The following DENND4C variants were observed in gnomAD, a reference collection of about 807,000 sequenced individuals.
DENND4C encodes DENN domain containing 4C.
In DENND4C, 108 loss-of-function variants were observed where a neutral mutation model predicts 203.0. That is an observed-to-expected ratio of 0.53 (90% confidence interval 0.46 to 0.62). The LOEUF (loss-of-function observed/expected upper bound fraction) is 0.62, where lower values mean the gene tolerates loss of function less well. Among genes scored for constraint, DENND4C ranks in the 20% least tolerant of loss-of-function variants. DENND4C has a pLI of 0.00. For missense variants in DENND4C, 2,481 were observed against 2,301.2 expected (o/e 1.08, Z -1.60); for synonymous variants, 871 against 792.4 (o/e 1.10, Z -1.67).
At chr9:19,361,669 C>A (rs2132225354) in intron 29 of DENND4C, among the ~76,000 whole-genome samples, 177 bp from the exon 30 acceptor site, 1 of 152,192 alleles carries the variant, frequency 6.6e-6, no homozygotes, top group South Asian at 2.1e-4. Context: ...GAAACCTTGA[C>A]CTCAGAAAAT....
chr9:19,262,842 T>A (rs1829706003), intron 1 of DENND4C, among the ~76,000 whole-genome samples: 1 of 152,218 alleles, frequency 6.6e-6, no homozygotes, highest in African/African-American at 2.4e-5. Flanking sequence ...GTGCTGGGAT[T>A]ACAGGTGTGA....
intron 1 of DENND4C, among the ~76,000 whole-genome samples, chr9:19,258,660 A>AGTTTTTTTTTT (rs1554712091): frequency 0.029 from 4,375 of 151,680 alleles, 204 homozygotes; most frequent in African/African-American, 0.098. Context: ...TTAAATTTTA[A>AGTTTTTTTTTT]GTTTTTTTTT....
At chr9:19,295,094 G>A (rs780315174) in intron 5 of DENND4C, among the ~76,000 whole-genome samples, 32 of 152,172 alleles carry the variant, frequency 2.1e-4, no homozygotes, top group Non-Finnish European at 3.7e-4. Context: ...ATCACAGGCC[G>A]GGTGCAGTGG....
intron 3 of DENND4C, 28 bp from the exon 4 acceptor site, chr9:19,288,568 T>C (rs2131128758): frequency 8.2e-7 from 1 of 1,220,280 alleles, no homozygotes; most frequent in African/African-American, 1.6e-5. Flanking sequence ...CTTTTGTCTT[T>C]TTTATAAACC....
intron 4 of DENND4C, among the ~76,000 whole-genome samples, chr9:19,288,996 A>G (rs1588849817): frequency 2.0e-5 from 3 of 152,200 alleles, no homozygotes; most frequent in Non-Finnish European, 4.4e-5. Context: ...TATTTTGGCA[A>G]TCAGAAAGGT....
intron 13 of DENND4C, 148 bp from the exon 14 acceptor site, chr9:19,325,791 G>C: frequency 4.3e-6 from 3 of 700,338 alleles, no homozygotes; most frequent in Non-Finnish European, 4.8e-6. Context: ...CTAAGAGTAT[G>C]TATTCAGCCT....
At chr9:19,324,232 TC>T (rs1284484070) in intron 12 of DENND4C, 129 bp from the exon 13 acceptor site, 1 of 565,162 alleles carries the variant, frequency 1.8e-6, no homozygotes, top group Non-Finnish European at 2.7e-6. Context: ...TATAGAAGCT[TC>T]TTTTTAAATA....
At chr9:19,325,642 G>T (rs779528391) in intron 13 of DENND4C, among the ~76,000 whole-genome samples, 2 of 151,940 alleles carry the variant, frequency 1.3e-5, no homozygotes, top group African/African-American at 2.4e-5. Flanking sequence ...CTAATAAAGG[G>T]GCTTAATAAT....
intron 10 of DENND4C, among the ~76,000 whole-genome samples, chr9:19,309,868 G>A (rs138685816): frequency 1.3e-5 from 2 of 152,066 alleles, no homozygotes; most frequent in East Asian, 3.9e-4. Context: ...AGATTCGTTT[G>A]GAGGCAGATG....
intron 1 of DENND4C, among the ~76,000 whole-genome samples, chr9:19,237,178 G>A (rs993126211): frequency 1.3e-5 from 2 of 151,746 alleles, no homozygotes; most frequent in African/African-American, 2.4e-5. Context: ...GCACCACCAC[G>A]CCCGGCTAAT....
At chr9:19,238,111 T>G (rs1822492423) in intron 1 of DENND4C, among the ~76,000 whole-genome samples, 1 of 151,242 alleles carries the variant, frequency 6.6e-6, no homozygotes, top group Admixed American at 6.6e-5. Flanking sequence ...AGATAGAGTT[T>G]CACTCGTGTT....
chr9:19,366,432 T>G (rs1362015847), intron 30 of DENND4C, among the ~76,000 whole-genome samples: 1 of 152,034 alleles, frequency 6.6e-6, no homozygotes, highest in East Asian at 1.9e-4. Context: ...AAACCCCATC[T>G]CTACTAAAAA....
At chr9:19,336,998 C>T (rs575325266) in intron 20 of DENND4C, among the ~76,000 whole-genome samples, 166 bp downstream of exon 20, 1 of 152,232 alleles carries the variant, frequency 6.6e-6, no homozygotes, top group Admixed American at 6.5e-5. Flanking sequence ...CTGTTTATTT[C>T]CTATAGTACA....
At chr9:19,315,425 A>G (rs917239233) in intron 10 of DENND4C, among the ~76,000 whole-genome samples, 1 of 151,494 alleles carries the variant, frequency 6.6e-6, no homozygotes, top group African/African-American at 2.4e-5. Flanking sequence ...TATTTATGCT[A>G]ACTTTTGTAA....
intron 23 of DENND4C, among the ~76,000 whole-genome samples, chr9:19,348,505 A>C (rs746175252): frequency 2.0e-5 from 3 of 152,194 alleles, no homozygotes; most frequent in Non-Finnish European, 4.4e-5. Flanking sequence ...AATAATGTGA[A>C]ATGGCTTGGA....
At chr9:19,325,146 G>GT (rs1490074437) in intron 13 of DENND4C, among the ~76,000 whole-genome samples, 1 of 151,990 alleles carries the variant, frequency 6.6e-6, no homozygotes, top group East Asian at 1.9e-4. Flanking sequence ...TAAGATTTAG[G>GT]TTTTTTAATT....
Position 19,235,964 on chromosome 9 carries a change from C to T in DENND4C, c.-18+5131C>T, listed in dbSNP as rs562267118. Reference sequence around the variant, plus strand: ...TTTTGTAATATTTAAAGGTTGTTCTCGAATTGAGTTTTTTCTTTGTTATGT... The same window carrying T: ...TTTTGTAATATTTAAAGGTTGTTCTTGAATTGAGTTTTTTCTTTGTTATGT... On this transcript the variant is annotated intron_variant, in intron 1 of 32. Transcript: ENST00000434457. Among the ~76,000 whole-genome samples the T allele has an allele frequency of 5.3e-5, 8 of 151,108 alleles. No homozygotes were observed. The South Asian group carries it at 6.3e-4, about 12-fold the overall frequency.
At chr9:19,311,478 A>C (rs904277435) in intron 10 of DENND4C, among the ~76,000 whole-genome samples, 1 of 152,160 alleles carries the variant, frequency 6.6e-6, no homozygotes, top group Non-Finnish European at 1.5e-5. Context: ...TGTGATCAGA[A>C]CATTCTCTGT....
Position 19,331,983 on chromosome 9 carries a change from A to G in DENND4C, c.2259A>G (p.Ile753Met), listed in dbSNP as rs747216561. The stretch of plus-strand genomic sequence containing the variant: ...ATATTTTATTCTCTTTCTAGGAAAT[A>G]AAAACAGCTCATAAATTGGCGAAGA... ...PLMAKRTKQE[I>M]KTAHKLAKRC... is the part of the protein sequence containing the mutation. The change falls in exon 17 of 33, where the codon ATA becomes ATG. Residue 753 changes from isoleucine (I) to methionine (M), a missense_variant. Ile to Met is a conservative substitution (Grantham distance 10). This residue lies in a region of DENND4C where 2,289 missense variants were observed against 2,113.3 expected (regional missense o/e 1.08). Coordinates refer to ENST00000434457, the MANE Select transcript of DENND4C (RefSeq NM_001330640.2). 5.6e-6 allele frequency: 9 copies of G among 1,612,744 alleles called. No homozygotes were observed. The Admixed American group carries it at 1.2e-4, about 21-fold the overall frequency.
Sources: gnomAD v4.1 joint callset for allele counts (sites outside exome capture counted in the v4.1 genomes callset) on GRCh38, gnomAD v4.1.1 for gene constraint, gnomAD v4.1.1 regional missense constraint, MANE v1.5 for transcripts, NCBI Gene and HGNC (gene_info 2026-07-23, HGNC 2026-07-21) for gene names.